NCKAP5: variants seen among roughly 807,000 people sequenced by gnomAD.
NCKAP5 encodes NCK associated protein 5, also known as nck-associated protein 5.
Under a neutral mutation model 167.0 loss-of-function variants are expected in NCKAP5, and 92 were observed. The observed-to-expected ratio is 0.55, with a 90% confidence interval of 0.47 to 0.66. The LOEUF is 0.66. NCKAP5 is among the 30% of genes least tolerant of loss of function. The pLI, the probability that NCKAP5 is intolerant of heterozygous loss-of-function variation, is 0.00. For synonymous variants in NCKAP5, 891 were observed against 877.4 expected (o/e 1.02, Z -0.27); for missense variants, 2,378 against 2,315.0 (o/e 1.03, Z -0.56).
intron 3 of NCKAP5, among the ~76,000 whole-genome samples, chr2:133,379,682 T>C (rs573543735): frequency 1.9e-4 from 29 of 152,306 alleles, no homozygotes; most frequent in African/African-American, 5.8e-4. Context: ...TGACACATAG[T>C]AGGTTTTCAG....
At chr2:132,938,614 C>G (rs1295866839) in intron 8 of NCKAP5, among the ~76,000 whole-genome samples, 4 of 152,126 alleles carry the variant, frequency 2.6e-5, no homozygotes, top group Non-Finnish European at 4.4e-5. Context: ...TGTAAAGGGC[C>G]CCCTTTCCAA....
At chr2:133,289,379 T>C (rs1179893036) in intron 4 of NCKAP5, among the ~76,000 whole-genome samples, 1 of 150,834 alleles carries the variant, frequency 6.6e-6, no homozygotes, top group East Asian at 1.9e-4. Flanking sequence ...ACCCTCTGTT[T>C]GGCAGCCCGG....
At chr2:133,202,887 A>G (rs1157197786) in intron 5 of NCKAP5, among the ~76,000 whole-genome samples, 2 of 152,106 alleles carry the variant, frequency 1.3e-5, no homozygotes, top group Non-Finnish European at 2.9e-5. Flanking sequence ...AAGTCAGGAA[A>G]CAACAGGTGC....
chr2:132,895,686 C>T (rs1693131171), intron 8 of NCKAP5, among the ~76,000 whole-genome samples: 1 of 151,998 alleles, frequency 6.6e-6, no homozygotes, highest in African/African-American at 2.4e-5. Flanking sequence ...AACTTTATCA[C>T]AAGTAATTCT....
rs561758627 is a variant in NCKAP5 at position 133,470,545 on chromosome 2, C to G, written c.69+46913G>C. On this transcript the variant is annotated intron_variant, in intron 3 of 19. Coordinates refer to ENST00000409261, the MANE Select transcript of NCKAP5 (RefSeq NM_207363.3). ...GAGCTGTGGTGGGCTCCACCCAGTT[C>G]GAGCTTCCTGGCTGCTTTGTTTACC... is the stretch of plus-strand genomic sequence containing the variant. 1.5e-3 allele frequency among the ~76,000 whole-genome samples: 221 copies of G among 152,308 alleles called. 1 individual carries two copies. Among genetic ancestry groups the G allele is most frequent in the Non-Finnish European group, 2.7e-3 (187 of 68,024 alleles).
At chr2:133,448,387 G>A (rs1691343079) in intron 3 of NCKAP5, among the ~76,000 whole-genome samples, 1 of 152,234 alleles carries the variant, frequency 6.6e-6, no homozygotes, top group African/African-American at 2.4e-5. Context: ...GAGGAAGAGC[G>A]AGCCCGTATT....
At chr2:132,829,257 T>C (rs1046261558) in intron 11 of NCKAP5, among the ~76,000 whole-genome samples, 2 of 152,322 alleles carry the variant, frequency 1.3e-5, no homozygotes, top group South Asian at 2.1e-4. Context: ...ATTAAGTGTA[T>C]GCTTTGTGGA....
chr2:133,522,781 G>T (rs1280886205), intron 2 of NCKAP5, among the ~76,000 whole-genome samples: 1 of 152,176 alleles, frequency 6.6e-6, no homozygotes, highest in Non-Finnish European at 1.5e-5. Flanking sequence ...TCATGATTTT[G>T]AAATGTCATC....
chr2:133,265,801 C>G (rs976195721), intron 4 of NCKAP5, among the ~76,000 whole-genome samples: 2 of 152,138 alleles, frequency 1.3e-5, no homozygotes, highest in African/African-American at 4.8e-5. Context: ...CCTCTGACCT[C>G]GCTGGGGAGC....
intron 3 of NCKAP5, among the ~76,000 whole-genome samples, chr2:133,421,061 C>T (rs1689444012): frequency 6.6e-6 from 1 of 152,188 alleles, no homozygotes; most frequent in African/African-American, 2.4e-5. Flanking sequence ...TTTCTAAAGT[C>T]AAATGGGGCC....
At chr2:132,933,501 G>T (rs1168630679) in intron 8 of NCKAP5, among the ~76,000 whole-genome samples, 2 of 152,144 alleles carry the variant, frequency 1.3e-5, no homozygotes, top group African/African-American at 4.8e-5. Flanking sequence ...ATTTTTCCAA[G>T]TATGCATAAC....
intron 19 of NCKAP5, among the ~76,000 whole-genome samples, chr2:132,697,957 G>A (rs913892599): frequency 7.9e-5 from 12 of 152,186 alleles, no homozygotes; most frequent in African/African-American, 2.7e-4. Flanking sequence ...AATATGAACA[G>A]TGGCTTCAAA....
Position 132,947,101 on chromosome 2 carries a change from C to T in NCKAP5, c.579+16619G>A, listed in dbSNP as rs6737066. Among the ~76,000 whole-genome samples, 415 of 152,196 alleles carry T rather than the reference C, an allele frequency of 2.7e-3. 7 individuals carry two copies. The highest frequency in any genetic ancestry group is 9.4e-3 in the African/African-American group (389 of 41,510). On this transcript the variant is annotated intron_variant, in intron 8 of 19. Coordinates refer to ENST00000409261, the MANE Select transcript of NCKAP5 (RefSeq NM_207363.3). ...TGAATAGTTTCTTATTTGTCATATG[C>T]TCAATGTGCATTCAAATACAGGTGG...
chr2:132,964,365 C>T (rs1267720945), intron 7 of NCKAP5, among the ~76,000 whole-genome samples: 1 of 152,168 alleles, frequency 6.6e-6, no homozygotes, highest in Non-Finnish European at 1.5e-5. Context: ...CCTATTAGTT[C>T]TTTCAGCTCA....
intron 11 of NCKAP5, among the ~76,000 whole-genome samples, chr2:132,849,309 C>G (rs1211430228): frequency 1.3e-5 from 2 of 152,178 alleles, no homozygotes; most frequent in East Asian, 3.8e-4. Context: ...CCAACTCCTG[C>G]TTATCTCAGA....
At chr2:132,843,587 T>G (rs888740616) in intron 11 of NCKAP5, among the ~76,000 whole-genome samples, 1 of 151,224 alleles carries the variant, frequency 6.6e-6, no homozygotes, top group Admixed American at 6.6e-5. Context: ...CACTGTAAGT[T>G]TTTCTTTTTT....
chr2:133,426,999 C>T (rs773956498), intron 3 of NCKAP5, among the ~76,000 whole-genome samples: 2 of 152,182 alleles, frequency 1.3e-5, no homozygotes, highest in Non-Finnish European at 2.9e-5. Flanking sequence ...AGGCGGTCAG[C>T]AAATTTTCCC....
chr2:133,539,741 A>C (rs1686067023), intron 2 of NCKAP5, among the ~76,000 whole-genome samples: 1 of 152,244 alleles, frequency 6.6e-6, no homozygotes, highest in Admixed American at 6.5e-5. Flanking sequence ...AATAAAGCAC[A>C]GAGAGAAAAG....
chr2:133,347,581 A>C (rs1025585283), intron 3 of NCKAP5, among the ~76,000 whole-genome samples: 4 of 149,036 alleles, frequency 2.7e-5, no homozygotes, highest in Middle Eastern at 3.3e-3. Context: ...TAAAATAATT[A>C]ATATAATATA....
Sources: gnomAD v4.1 joint callset for allele counts (sites outside exome capture counted in the v4.1 genomes callset) on GRCh38, gnomAD v4.1.1 for gene constraint, MANE v1.5 for transcripts, NCBI Gene and HGNC (gene_info 2026-07-23, HGNC 2026-07-21) for gene names.